The following PAK5 variants were observed in gnomAD, a reference collection of about 807,000 sequenced individuals.
The protein encoded by PAK5 is serine/threonine-protein kinase PAK 5.
PAK5 carries 16 observed loss-of-function variants against 65.9 expected under a neutral mutation model. The ratio of observed to expected loss-of-function variants is 0.24; its 90% CI spans 0.16 to 0.37. PAK5 has a LOEUF of 0.37. PAK5 is among the 10% of genes least tolerant of loss of function. The probability of loss-of-function intolerance (pLI) is 1.00; values close to 1 mark genes in which losing one functional copy is unlikely to be tolerated. For synonymous variants in PAK5, 371 were observed against 354.9 expected (o/e 1.05, Z -0.51); for missense variants, 785 against 903.9 (o/e 0.87, Z 1.69).
chr20:9,576,871 T>C (rs1668023645), intron 4 of PAK5, among the ~76,000 whole-genome samples: 1 of 152,202 alleles, frequency 6.6e-6, no homozygotes, highest in African/African-American at 2.4e-5. Flanking sequence ...ATGGCATGTA[T>C]CTGGTACACA....
At chr20:9,569,553 G>C (rs764871354) in intron 4 of PAK5, among the ~76,000 whole-genome samples, 4 of 152,202 alleles carry the variant, frequency 2.6e-5, no homozygotes, top group Non-Finnish European at 4.4e-5. Flanking sequence ...AGGGAGGAAA[G>C]TATTTCAAGA....
chr20:9,774,943 G>A (rs4637201), intron 1 of PAK5, among the ~76,000 whole-genome samples: 61,333 of 151,790 alleles, frequency 0.4, 12,503 homozygotes, highest in East Asian at 0.64. Flanking sequence ...GCGGCAGAGC[G>A]AGACTCGGTC....
chr20:9,748,662 T>C (rs140991373), intron 1 of PAK5, among the ~76,000 whole-genome samples: 218 of 152,288 alleles, frequency 1.4e-3, no homozygotes, highest in African/African-American at 4.9e-3. Flanking sequence ...TATGGCTCAA[T>C]GAATATTGGC....
intron 1 of PAK5, among the ~76,000 whole-genome samples, chr20:9,767,266 A>G (rs2048779372): frequency 6.6e-6 from 1 of 152,342 alleles, no homozygotes; most frequent in African/African-American, 2.4e-5. Flanking sequence ...ATAAAGGAGA[A>G]TAATTAACCT....
At chr20:9,722,544 G>A (rs1178694100) in intron 1 of PAK5, among the ~76,000 whole-genome samples, 1 of 151,842 alleles carries the variant, frequency 6.6e-6, no homozygotes, top group Non-Finnish European at 1.5e-5. Flanking sequence ...CCCGGGAGGC[G>A]GAGCTTGCAG....
chr20:9,545,295 A>G (rs2045327503), intron 7 of PAK5, among the ~76,000 whole-genome samples: 1 of 152,166 alleles, frequency 6.6e-6, no homozygotes, highest in Non-Finnish European at 1.5e-5. Context: ...CCTGGGTGTT[A>G]GGCACCCTGC....
chr20:9,811,571 C>G (rs2049298639), intron 1 of PAK5, among the ~76,000 whole-genome samples: 1 of 152,174 alleles, frequency 6.6e-6, no homozygotes. Context: ...CTGCCTGAGA[C>G]TGGACAGCCC....
chr20:9,571,880 G>GGT (rs1012029011), intron 4 of PAK5, among the ~76,000 whole-genome samples: 47 of 144,648 alleles, frequency 3.2e-4, no homozygotes, highest in Non-Finnish European at 2.7e-4. Flanking sequence ...ATGATGGGGG[G>GGT]GGGGGATGTG....
intron 2 of PAK5, among the ~76,000 whole-genome samples, chr20:9,682,898 T>C (rs561386591): frequency 2.6e-5 from 4 of 152,330 alleles, no homozygotes; most frequent in South Asian, 4.1e-4. Context: ...CTAATGATGT[T>C]CAAGCTCTAG....
At chr20:9,750,677 G>C (rs1185589511) in intron 1 of PAK5, among the ~76,000 whole-genome samples, 2 of 152,058 alleles carry the variant, frequency 1.3e-5, no homozygotes. Flanking sequence ...AAAGAATAAG[G>C]AAGGACCAAA....
chr20:9,606,734 C>T (rs1461090926), intron 3 of PAK5, among the ~76,000 whole-genome samples: 2 of 152,142 alleles, frequency 1.3e-5, no homozygotes, highest in African/African-American at 4.8e-5. Context: ...TCTATAACAT[C>T]GTGATTCTTG....
intron 2 of PAK5, among the ~76,000 whole-genome samples, chr20:9,698,013 T>C (rs1176905817): frequency 6.6e-6 from 1 of 152,192 alleles, no homozygotes; most frequent in South Asian, 2.1e-4. Flanking sequence ...ATATGATGAA[T>C]TTGACACATA....
intron 1 of PAK5, among the ~76,000 whole-genome samples, chr20:9,823,379 T>C (rs1024703182): frequency 2.0e-5 from 3 of 152,326 alleles, no homozygotes; most frequent in African/African-American, 7.2e-5. Context: ...ATGGTTTGGC[T>C]GTGTCCCCGC....
intron 1 of PAK5, among the ~76,000 whole-genome samples, chr20:9,808,723 T>C (rs775488973): frequency 5.9e-5 from 9 of 152,186 alleles, no homozygotes; most frequent in Admixed American, 3.3e-4. Flanking sequence ...GGCTTGGAGT[T>C]TGGTGGGGTA....
In PAK5 at chr20:9,754,107, T is replaced by C. The variant is rs540320724; in HGVS notation, c.-161-42672A>G. Among the ~76,000 whole-genome samples the C allele has an allele frequency of 6.7e-4, 102 of 152,274 alleles. 1 individual carries two copies. Among genetic ancestry groups the C allele is most frequent in the African/African-American group, 2.2e-3 (92 of 41,556 alleles). On this transcript the variant is annotated intron_variant, in intron 1 of 9. Transcript: ENST00000353224. Reference sequence around the variant, plus strand: ...CCCATATCTTTCCAGAAAGTTTCATTTTGCTTAAGATAGTTAGCATCAGTT... The same window carrying C: ...CCCATATCTTTCCAGAAAGTTTCATCTTGCTTAAGATAGTTAGCATCAGTT...
chr20:9,823,989 T>C (rs557427138), intron 1 of PAK5, among the ~76,000 whole-genome samples: 2 of 152,274 alleles, frequency 1.3e-5, no homozygotes, highest in South Asian at 2.1e-4. Flanking sequence ...TAACACCTAA[T>C]TTATAAGCCT....
chr20:9,540,901 TA>T, intron 9 of PAK5, among the ~76,000 whole-genome samples: 1 of 152,258 alleles, frequency 6.6e-6, no homozygotes, highest in Middle Eastern at 3.4e-3. Context: ...CATGCTTGGC[TA>T]ATTTTTTGTA....
At chr20:9,555,013 T>G (rs73241764) in intron 7 of PAK5, among the ~76,000 whole-genome samples, 1,905 of 152,296 alleles carry the variant, frequency 0.013, 35 homozygotes, top group African/African-American at 0.042. Context: ...ATGCCTAAAT[T>G]AATCCTAGGA....
At chr20:9,688,507 G>C (rs1331072287) in intron 2 of PAK5, among the ~76,000 whole-genome samples, 1 of 151,984 alleles carries the variant, frequency 6.6e-6, no homozygotes, top group African/African-American at 2.4e-5. Context: ...TCCTTGGTGG[G>C]CACAAGGCTC....
Sources: allele counts gnomAD v4.1 joint callset (sites outside exome capture counted in the v4.1 genomes callset), GRCh38; gene constraint gnomAD v4.1.1; transcripts MANE v1.5; gene names NCBI Gene and HGNC (gene_info 2026-07-23, HGNC 2026-07-21).